Variants in ITLN1 observed in about 807,000 individuals in gnomAD.
ITLN1 encodes the protein intelectin-1.
In ITLN1, 29 loss-of-function variants were observed where a neutral mutation model predicts 36.2. The ratio of observed to expected loss-of-function variants is 0.80; its 90% CI spans 0.60 to 1.09. The LOEUF (loss-of-function observed/expected upper bound fraction) is 1.09, where lower values mean the gene tolerates loss of function less well. Ranked by LOEUF, ITLN1 falls within the 50% of genes least tolerant of loss-of-function variation. ITLN1 has a pLI of 0.00. For synonymous variants in ITLN1, 143 were observed against 146.5 expected, an observed-to-expected ratio of 0.98 and a Z score of 0.17; for missense variants, 358 against 405.2, an observed-to-expected ratio of 0.88 and a Z score of 1.00.
chr1:160,877,654 T>C (rs1335819636), intron 7 of ITLN1, among the ~76,000 whole-genome samples: 1 of 152,252 alleles, frequency 6.6e-6, no homozygotes, highest in Non-Finnish European at 1.5e-5. Context: ...CATGTTATTC[T>C]ATACTTCCTT....
chr1:160,884,955 A>G, intron 1 of ITLN1, 72 bp from the exon 2 acceptor site: 4 of 950,602 alleles, frequency 4.2e-6, no homozygotes, highest in South Asian at 1.4e-5. Context: ...ACCCCTGTCC[A>G]GTCTTACAAA....
At chr1:160,879,917 G>A (rs977670351) in intron 6 of ITLN1, among the ~76,000 whole-genome samples, 3 of 152,052 alleles carry the variant, frequency 2.0e-5, no homozygotes, top group Admixed American at 6.6e-5. Context: ...AAAAAGTCTC[G>A]CCATTTTTTT....
intron 5 of ITLN1, among the ~76,000 whole-genome samples, chr1:160,880,948 A>T (rs545406064): frequency 6.6e-6 from 1 of 151,128 alleles, no homozygotes; most frequent in African/African-American, 2.4e-5. Flanking sequence ...ACCCATCCAC[A>T]CTCTTCCTGC....
In ITLN1 at chr1:160,876,617, G is replaced by T; in HGVS notation, c.*47C>A. The stretch of plus-strand genomic sequence containing the variant: ...TGGGTAAGTTGTTCTCCATCCTTGG[G>T]ATCTCATGGTTGGGAGGAGAGGTCT... On this transcript the variant is annotated 3_prime_UTR_variant, in exon 8 of 8. Coordinates refer to ENST00000326245, the MANE Select transcript of ITLN1 (RefSeq NM_017625.3). 2 of 1,595,658 alleles carry T rather than the reference G, an allele frequency of 1.3e-6. No homozygotes were observed. Among genetic ancestry groups the T allele is most frequent in the Non-Finnish European group, 1.7e-6 (2 of 1,166,060 alleles).
intron 3 of ITLN1, among the ~76,000 whole-genome samples, chr1:160,882,851 T>C (rs749940597): frequency 6.6e-6 from 1 of 152,060 alleles, no homozygotes; most frequent in Admixed American, 6.5e-5. Context: ...TAACTCCATG[T>C]TATTTTTTGT....
intron 7 of ITLN1, among the ~76,000 whole-genome samples, chr1:160,878,461 C>T (rs1375505791): frequency 6.6e-6 from 1 of 151,258 alleles, no homozygotes; most frequent in African/African-American, 2.4e-5. Flanking sequence ...TCTTGGCTCA[C>T]TGCAACCTCC....
intron 7 of ITLN1, among the ~76,000 whole-genome samples, chr1:160,877,353 A>T (rs891688277): frequency 3.9e-5 from 6 of 152,120 alleles, no homozygotes; most frequent in African/African-American, 1.4e-4. Flanking sequence ...TTCTTTCATA[A>T]ATCCTCTAAG....
Position 160,876,784 on chromosome 1 carries a change from C to T in ITLN1, c.822G>A (p.Glu274=). The change falls in exon 8 of 8, where the codon GAG becomes GAA. Residue 274 remains glutamate (E), a synonymous_variant. Coordinates refer to ENST00000326245, the MANE Select transcript of ITLN1 (RefSeq NM_017625.3). ...AATCTCCACACTGCTGGGGACTGGCCTCTGGAAAGTATCCTCCTCCACCAA... is the reference window on the plus strand; with the variant it reads ...AATCTCCACACTGCTGGGGACTGGCTTCTGGAAAGTATCCTCCTCCACCAA... ...HCIGGGGYFP[E]ASPQQCGDFS... 6.2e-7 allele frequency: 1 copy of T among 1,614,222 alleles called. No homozygotes were observed. The highest frequency in any genetic ancestry group is 1.1e-5 in the South Asian group (1 of 91,088).
chr1:160,883,037 T>G (rs536228435), intron 3 of ITLN1, among the ~76,000 whole-genome samples: 1 of 152,160 alleles, frequency 6.6e-6, no homozygotes, highest in Admixed American at 6.5e-5. Flanking sequence ...CCCAATTGAT[T>G]TTTGTATTTT....
chr1:160,877,075 A>T (rs545258115), intron 7 of ITLN1, among the ~76,000 whole-genome samples: 24 of 152,172 alleles, frequency 1.6e-4, no homozygotes, highest in African/African-American at 5.8e-4. Flanking sequence ...ACATCTCTAC[A>T]AAAAATACAA....
In ITLN1 at chr1:160,880,672, T is replaced by C; in HGVS notation, c.601A>G (p.Thr201Ala). 1.2e-6 allele frequency: 2 copies of C among 1,614,088 alleles called. No homozygotes were observed. The highest frequency in any genetic ancestry group is 1.7e-6 in the Non-Finnish European group (2 of 1,179,974). Residue 201 changes from threonine to alanine, a missense_variant, in exon 6 of 8, where the codon ACT becomes GCT. Transcript: ENST00000326245. ...ACAGGGATCACCGGGCCGTTGTCAG[T>C]CCAACACTTTCCTTCTCCATATTTC... ...PVKYGEGKCW[T>A]DNGPVIPVVY...
rs1461391925 is a variant in ITLN1 at position 160,884,413 on chromosome 1, AT to A, written c.58+406del. 2.0e-5 allele frequency among the ~76,000 whole-genome samples: 3 copies of A among 151,708 alleles called. No homozygotes were observed. The South Asian group carries it at 6.3e-4, about 32-fold the overall frequency. On this transcript the variant is annotated intron_variant, in intron 2 of 7. Transcript: ENST00000326245. ...AAACAGCCTTTTCTTTAAAAAAAAA[AT>A]TTTTAGACGTGAAGAAAAATATAAA... is the stretch of plus-strand genomic sequence containing the variant.
intron 7 of ITLN1, among the ~76,000 whole-genome samples, chr1:160,877,852 T>C (rs1161662730): frequency 6.6e-6 from 1 of 152,206 alleles, no homozygotes; most frequent in African/African-American, 2.4e-5. Context: ...GAGTGACTTC[T>C]CATGAGATCT....
At position 160,881,979 on chromosome 1, in the gene ITLN1, G is replaced by A. The variant is rs750044202; in HGVS notation, c.383C>T (p.Ala128Val). The change falls in exon 4 of 8, where the codon GCG becomes GTG. Residue 128 changes from alanine to valine, a missense_variant. Ala to Val is a moderately conservative substitution (Grantham distance 64). Transcript: ENST00000326245. Reference sequence around the variant, plus strand: ...AACCTTGTAGTCATCGCTCGTGGCCGCCTCTGCAGATCCAAAGGTGTTGTA... The same window carrying A: ...AACCTTGTAGTCATCGCTCGTGGCCACCTCTGCAGATCCAAAGGTGTTGTA... The part of the protein sequence containing the change: ...ANYNTFGSAE[A>V]ATSDDYKNPG... 4.2e-5 allele frequency: 68 copies of A among 1,613,942 alleles called. No individual in the cohort carries two copies. Among genetic ancestry groups the A allele is most frequent in the Middle Eastern group, 1.6e-4 (1 of 6,082 alleles).
intron 6 of ITLN1, among the ~76,000 whole-genome samples, chr1:160,880,070 C>T (rs1226997667): frequency 1.3e-5 from 2 of 152,052 alleles, no homozygotes; most frequent in Admixed American, 6.6e-5. Flanking sequence ...CTTTGGGAGC[C>T]GAAGGGGGCG....
intron 2 of ITLN1, among the ~76,000 whole-genome samples, chr1:160,884,310 A>G (rs1670723948): frequency 2.0e-5 from 3 of 152,224 alleles, no homozygotes. Context: ...GTCAGAGGTG[A>G]CTGACCTCAG....
rs764100689 is a variant in ITLN1, at chr1:160,884,847, T to C, written c.31A>G (p.Ile11Val). Residue 11 changes from isoleucine to valine, a missense_variant, in exon 2 of 8, where the codon ATA (isoleucine) becomes GTA (valine). Transcript: ENST00000326245. MNQLSFLLFL[I>V]ATTRGWSTDE... ...GTACTCCATCCTCTGGTGGTCGCTA[T>C]GAGAAACAGCAGGAAGCTGAGTTGG... 1.9e-6 allele frequency: 3 copies of C among 1,613,126 alleles called. No homozygotes were observed. Among genetic ancestry groups the C allele is most frequent in the Non-Finnish European group, 2.5e-6 (3 of 1,179,236 alleles).
chr1:160,879,610 A>G (rs1670645687), intron 6 of ITLN1, among the ~76,000 whole-genome samples, 196 bp from the exon 7 acceptor site: 2 of 152,238 alleles, frequency 1.3e-5, no homozygotes, highest in South Asian at 4.1e-4. Context: ...CCTTTTCCCA[A>G]CCCCAGAGAT....
chr1:160,883,597 C>T, intron 2 of ITLN1, 71 bp from the exon 3 acceptor site: 1 of 1,063,472 alleles, frequency 9.4e-7, no homozygotes, highest in Admixed American at 1.7e-5. Flanking sequence ...TCACTAGTCC[C>T]ACGCTCATTC....
Sources: gnomAD v4.1 joint callset for allele counts (sites outside exome capture counted in the v4.1 genomes callset) on GRCh38, gnomAD v4.1.1 for gene constraint, MANE v1.5 for transcripts, NCBI Gene and HGNC (gene_info 2026-07-23, HGNC 2026-07-21) for gene names.